SLC6A11: variants seen among roughly 807,000 people sequenced by gnomAD.
SLC6A11 encodes the protein sodium- and chloride-dependent GABA transporter 3.
Under a neutral mutation model 74.8 loss-of-function variants are expected in SLC6A11, and 25 were observed. The ratio of observed to expected loss-of-function variants is 0.33; its 90% CI spans 0.24 to 0.47. The LOEUF (loss-of-function observed/expected upper bound fraction) is 0.47, where lower values mean the gene tolerates loss of function less well. SLC6A11 is among the 20% of genes least tolerant of loss of function. SLC6A11 has a pLI of 1.00. For missense variants in SLC6A11, 574 were observed against 837.0 expected (o/e 0.69, Z 3.88); for synonymous variants, 330 against 330.2 (o/e 1.00, Z 0.01).
intron 6 of SLC6A11, among the ~76,000 whole-genome samples, chr3:10,876,346 TC>T (rs1299553261): frequency 6.6e-6 from 1 of 152,250 alleles, no homozygotes; most frequent in Non-Finnish European, 1.5e-5. Context: ...CTTTGCCAGT[TC>T]CTGATCTCTG....
intron 7 of SLC6A11, among the ~76,000 whole-genome samples, chr3:10,916,565 T>A (rs1184161739): frequency 6.6e-6 from 1 of 152,146 alleles, no homozygotes; most frequent in East Asian, 1.9e-4. Flanking sequence ...CTGGGGAAGT[T>A]CTCATAGAAA....
At chr3:10,881,133 A>T (rs1413556735) in intron 6 of SLC6A11, among the ~76,000 whole-genome samples, 1 of 152,152 alleles carries the variant, frequency 6.6e-6, no homozygotes, top group African/African-American at 2.4e-5. Flanking sequence ...GACTGCATTT[A>T]GGCTGGACAC....
chr3:10,819,880 G>C, intron 3 of SLC6A11, 28 bp downstream of exon 3: 1 of 1,608,690 alleles, frequency 6.2e-7, no homozygotes, highest in East Asian at 2.2e-5. Flanking sequence ...TCTCTCTGCT[G>C]GTCCTGCTGG....
intron 5 of SLC6A11, among the ~76,000 whole-genome samples, chr3:10,844,573 TA>T (rs1694479962): frequency 6.6e-6 from 1 of 152,180 alleles, no homozygotes; most frequent in Non-Finnish European, 1.5e-5. Flanking sequence ...GACTATGAGA[TA>T]ATAAAGCCTT....
At chr3:10,896,793 G>A (rs1275789282) in intron 6 of SLC6A11, among the ~76,000 whole-genome samples, 1 of 152,164 alleles carries the variant, frequency 6.6e-6, no homozygotes, top group Non-Finnish European at 1.5e-5. Context: ...GAAATGGTGA[G>A]GGGGCATAGA....
chr3:10,878,971 C>G (rs1694943984), intron 6 of SLC6A11, among the ~76,000 whole-genome samples: 1 of 152,206 alleles, frequency 6.6e-6, no homozygotes, highest in Admixed American at 6.5e-5. Flanking sequence ...CAGTTTTCCA[C>G]AGGGTGGCCA....
intron 6 of SLC6A11, among the ~76,000 whole-genome samples, chr3:10,883,258 G>GA (rs1695004492): frequency 6.6e-6 from 1 of 152,204 alleles, no homozygotes; most frequent in Non-Finnish European, 1.5e-5. Context: ...TCTGAAGTGT[G>GA]AAGTGCTTCC....
At chr3:10,838,217 G>A (rs1396186516) in intron 4 of SLC6A11, among the ~76,000 whole-genome samples, 1 of 152,208 alleles carries the variant, frequency 6.6e-6, no homozygotes, top group Non-Finnish European at 1.5e-5. Flanking sequence ...TCTGCTCTCT[G>A]GGCAAACCAG....
At position 10,873,385 on chromosome 3, in the gene SLC6A11, G is replaced by GATCC. The variant is rs1694850882; in HGVS notation, c.757-1576_757-1575insATCC. 1.7e-5 allele frequency among the ~76,000 whole-genome samples: 2 copies of GATCC among 118,766 alleles called. 1 individual carries two copies. The highest frequency in any genetic ancestry group is 3.4e-5 in the Non-Finnish European group (2 of 58,504). The allele number at this position is 118,766 out of a possible 152,430, so 77.9% of individuals were successfully genotyped here. On this transcript the variant is annotated intron_variant, in intron 5 of 13. Coordinates refer to ENST00000254488, the MANE Select transcript of SLC6A11 (RefSeq NM_014229.3). Reference sequence around the variant, plus strand: ...CTCCCCTATGCTCACCTTCATTATTGTATCCTATCCTATGCTATCCTATCC... The same window carrying GATCC: ...CTCCCCTATGCTCACCTTCATTATTGATCCTATCCTATCCTATGCTATCCTATCC...
intron 13 of SLC6A11, among the ~76,000 whole-genome samples, chr3:10,936,058 C>T (rs1044014597): frequency 5.3e-5 from 8 of 152,124 alleles, no homozygotes; most frequent in African/African-American, 1.9e-4. Context: ...AGCGGCACTC[C>T]CTATTCACTC....
rs1036522186 is a variant in SLC6A11 at position 10,934,922 on chromosome 3, T to C, written c.1576-107T>C. 3 of 970,056 alleles carry C rather than the reference T, an allele frequency of 3.1e-6. No homozygotes were observed. The African/African-American group carries it at 4.9e-5, about 16-fold the overall frequency. The allele number at this position is 970,056 out of a possible 1,614,324, so 60.1% of individuals were successfully genotyped here. A position where few individuals can be genotyped will look rare whatever the true frequency, so the allele number is the denominator to read the frequency against. On this transcript the variant is annotated intron_variant, in intron 12 of 13. Coordinates refer to ENST00000254488, the MANE Select transcript of SLC6A11 (RefSeq NM_014229.3). Reference sequence around the variant, plus strand: ...TCATGGCTGTGAAACAGGGCCAGCTTCCTCCCCTGCCAGCCTCTGGCTAGT... The same window carrying C: ...TCATGGCTGTGAAACAGGGCCAGCTCCCTCCCCTGCCAGCCTCTGGCTAGT...
intron 5 of SLC6A11, among the ~76,000 whole-genome samples, chr3:10,847,449 C>T (rs1481447001): frequency 1.3e-5 from 2 of 152,210 alleles, no homozygotes; most frequent in African/African-American, 4.8e-5. Context: ...GTTTCTCCTC[C>T]ATGTGTCCTG....
intron 5 of SLC6A11, among the ~76,000 whole-genome samples, chr3:10,849,794 CAAAAAAAAA>C (rs56099322): frequency 4.6e-4 from 40 of 87,276 alleles, no homozygotes; most frequent in South Asian, 1.6e-3. Flanking sequence ...TTGTTGAAGC[CAAAAAAAAA>C]AAAAAAAAAA....
chr3:10,923,804 TTTAACC>T (rs1695566331), intron 8 of SLC6A11, among the ~76,000 whole-genome samples: 1 of 152,116 alleles, frequency 6.6e-6, no homozygotes, highest in Non-Finnish European at 1.5e-5. Context: ...CAGACAACAG[TTTAACC>T]TTAACCTTAA....
chr3:10,901,879 C>T (rs1366975556), intron 6 of SLC6A11, among the ~76,000 whole-genome samples: 2 of 152,212 alleles, frequency 1.3e-5, no homozygotes. Flanking sequence ...CTACAAAAGC[C>T]GTTGTCAGGT....
chr3:10,922,191 T>G (rs1223880935), intron 8 of SLC6A11, among the ~76,000 whole-genome samples: 1 of 152,178 alleles, frequency 6.6e-6, no homozygotes, highest in East Asian at 1.9e-4. Flanking sequence ...CCAGTGGACA[T>G]GGAACATTCA....
chr3:10,887,941 C>A (rs944732844), intron 6 of SLC6A11, among the ~76,000 whole-genome samples: 2 of 152,200 alleles, frequency 1.3e-5, no homozygotes, highest in African/African-American at 4.8e-5. Context: ...TCATTAAGAA[C>A]CTTGACTGCA....
intron 6 of SLC6A11, among the ~76,000 whole-genome samples, chr3:10,906,453 A>G (rs1695303870): frequency 6.6e-6 from 1 of 152,216 alleles, no homozygotes; most frequent in African/African-American, 2.4e-5. Flanking sequence ...GAAGATGAAC[A>G]TAAAGGCAAA....
chr3:10,854,806 TA>T (rs1239451571), intron 5 of SLC6A11, among the ~76,000 whole-genome samples: 1 of 152,252 alleles, frequency 6.6e-6, no homozygotes, highest in Non-Finnish European at 1.5e-5. Flanking sequence ...AGTGTAGACT[TA>T]GTATATTTAT....
Sources: allele counts gnomAD v4.1 joint callset (sites outside exome capture counted in the v4.1 genomes callset), GRCh38; gene constraint gnomAD v4.1.1; transcripts MANE v1.5; gene names NCBI Gene and HGNC (gene_info 2026-07-23, HGNC 2026-07-21).